PCDHA12: variants seen among roughly 807,000 people sequenced by gnomAD.
PCDHA12 encodes protocadherin alpha-12.
A neutral mutation model predicts 60.0 loss-of-function variants in PCDHA12; 44 were observed. That is an observed-to-expected ratio of 0.73 (90% CI 0.58 to 0.94). The LOEUF (loss-of-function observed/expected upper bound fraction) is 0.94. PCDHA12 is among the 40% of genes least tolerant of loss of function. The pLI is 0.00. For synonymous variants in PCDHA12, 569 were observed against 553.0 expected (o/e 1.03, Z -0.40); for missense variants, 1,276 against 1,239.7 (o/e 1.03, Z -0.44).
At chr5:140,938,158 C>G (rs1308976624) in intron 1 of PCDHA12, among the ~76,000 whole-genome samples, 1 of 152,112 alleles carries the variant, frequency 6.6e-6, no homozygotes, top group African/African-American at 2.4e-5. Flanking sequence ...ATTGCCCAGG[C>G]TAGTCTGGAG....
intron 1 of PCDHA12, among the ~76,000 whole-genome samples, chr5:140,961,483 G>A (rs1365864551): frequency 6.6e-6 from 1 of 152,090 alleles, no homozygotes; most frequent in Non-Finnish European, 1.5e-5. Context: ...TCTTGTCCAC[G>A]TGAGTATATT....
At chr5:140,928,056 G>T (rs183490994) in intron 1 of PCDHA12, 1 of 1,614,154 alleles carries the variant, frequency 6.2e-7, no homozygotes, top group Admixed American at 1.7e-5. Flanking sequence ...TTCAGCTGAC[G>T]GCTTCCTTTG....
intron 3 of PCDHA12, among the ~76,000 whole-genome samples, chr5:141,006,429 G>A (rs541690957): frequency 1.3e-5 from 2 of 152,004 alleles, no homozygotes; most frequent in South Asian, 4.2e-4. Context: ...TAGCCAGGAT[G>A]GTCTCAATCT....
At chr5:140,992,153 T>C (rs191199905) in intron 3 of PCDHA12, among the ~76,000 whole-genome samples, 76 of 152,066 alleles carry the variant, frequency 5.0e-4, no homozygotes, top group African/African-American at 1.8e-3. Flanking sequence ...CTTTGCTCAA[T>C]CAAGAAGTGT....
At chr5:140,958,301 TA>T (rs2095417556) in intron 1 of PCDHA12, among the ~76,000 whole-genome samples, 1 of 152,248 alleles carries the variant, frequency 6.6e-6, no homozygotes, top group African/African-American at 2.4e-5. Flanking sequence ...TGAACTTAAT[TA>T]AAATAAATTA....
intron 1 of PCDHA12, among the ~76,000 whole-genome samples, chr5:140,896,328 A>G (rs1157543991): frequency 6.6e-6 from 1 of 152,138 alleles, no homozygotes; most frequent in Non-Finnish European, 1.5e-5. Flanking sequence ...CACAGTGGCT[A>G]AACTAATTTA....
chr5:140,976,142 C>T (rs1554237347), intron 1 of PCDHA12, among the ~76,000 whole-genome samples: 2 of 152,138 alleles, frequency 1.3e-5, no homozygotes, highest in Admixed American at 1.3e-4. Context: ...GGATGAAACT[C>T]ATGTACATTT....
intron 1 of PCDHA12, chr5:140,883,378 C>G (rs782530143): frequency 6.2e-7 from 1 of 1,614,146 alleles, no homozygotes; most frequent in Non-Finnish European, 8.5e-7. Context: ...CCATTATTGC[C>G]CTAATCAGTG....
At chr5:140,950,389 T>C (rs269550) in intron 1 of PCDHA12, among the ~76,000 whole-genome samples, 33,984 of 151,960 alleles carry the variant, frequency 0.22, 4,900 homozygotes, top group African/African-American at 0.41. Context: ...TTGAATGATA[T>C]AGAATTCTGG....
At chr5:140,987,956 C>T (rs1270495363) in intron 3 of PCDHA12, among the ~76,000 whole-genome samples, 2 of 152,144 alleles carry the variant, frequency 1.3e-5, no homozygotes, top group African/African-American at 4.8e-5. Flanking sequence ...ACAAAACCAA[C>T]TCCCCATGGA....
intron 1 of PCDHA12, among the ~76,000 whole-genome samples, chr5:140,925,358 C>A (rs1554202714): frequency 8.5e-5 from 13 of 152,094 alleles, no homozygotes; most frequent in Non-Finnish European, 1.9e-4. Flanking sequence ...GAATTTAGTG[C>A]TTCATAGTCA....
At chr5:140,967,435 C>T (rs949116832) in intron 1 of PCDHA12, 1 of 1,613,532 alleles carries the variant, frequency 6.2e-7, no homozygotes, top group Non-Finnish European at 8.5e-7. Flanking sequence ...CAGCCTTGCA[C>T]CACCTGGTTC....
rs1206745884 is a variant in PCDHA12, at chr5:140,876,978, C to T, written c.1506C>T (p.His502=). The change falls in exon 1 of 4, where the codon CAC becomes CAT. Residue 502 remains histidine, a synonymous_variant. Transcript: ENST00000398631. ...TGGTGGAGCGGCGGGTGGGCGAGCA[C>T]GCACTGTCGAGCTACGTGTCGGTGC... ...YSLVERRVGE[H]ALSSYVSVHA... The T allele has an allele frequency of 1.2e-5, 20 of 1,612,518 alleles. No individual in the cohort carries two copies. Among genetic ancestry groups the T allele is most frequent in the African/African-American group, 6.7e-5 (5 of 74,896 alleles).
intron 1 of PCDHA12, among the ~76,000 whole-genome samples, chr5:140,937,621 GAAAA>G (rs1276369305): frequency 1.4e-5 from 2 of 142,038 alleles, no homozygotes; most frequent in Non-Finnish European, 3.1e-5. Context: ...CATCTAAAAA[GAAAA>G]AGAAAGGCAG....
At chr5:140,942,860 G>T (rs1262172468) in intron 1 of PCDHA12, among the ~76,000 whole-genome samples, 15 of 151,964 alleles carry the variant, frequency 9.9e-5, no homozygotes, top group Admixed American at 9.8e-4. Context: ...TGATTATTTT[G>T]CTTTAGCATG....
chr5:140,925,254 A>G (rs1554202655), intron 1 of PCDHA12, among the ~76,000 whole-genome samples: 1 of 152,188 alleles, frequency 6.6e-6, no homozygotes, highest in African/African-American at 2.4e-5. Context: ...GGAAACTTTA[A>G]TTCTTGATCT....
At chr5:140,888,959 A>G (rs1554183707) in intron 1 of PCDHA12, among the ~76,000 whole-genome samples, 1 of 152,024 alleles carries the variant, frequency 6.6e-6, no homozygotes, top group African/African-American at 2.4e-5. Flanking sequence ...TTCTTTGGCA[A>G]TGTTAATGTG....
intron 1 of PCDHA12, among the ~76,000 whole-genome samples, chr5:140,977,448 C>G (rs1265708365): frequency 6.6e-6 from 1 of 152,212 alleles, no homozygotes; most frequent in African/African-American, 2.4e-5. Flanking sequence ...ATAATGGAAA[C>G]TCCTTTGATT....
chr5:140,929,140 C>T, intron 1 of PCDHA12: 1 of 1,614,176 alleles, frequency 6.2e-7, no homozygotes, highest in Non-Finnish European at 8.5e-7. Context: ...AGTTGAGAGA[C>T]TTTCTCAGAC....
Sources: allele counts gnomAD v4.1 joint callset (sites outside exome capture counted in the v4.1 genomes callset), GRCh38; gene constraint gnomAD v4.1.1; transcripts MANE v1.5; gene names NCBI Gene and HGNC (gene_info 2026-07-23, HGNC 2026-07-21).